C10orf71: variants seen among roughly 807,000 people sequenced by gnomAD.
The protein encoded by C10orf71 is cardiac-enriched FHL2-interacting protein.
For synonymous variants in C10orf71, 758 were observed against 726.3 expected, an observed-to-expected ratio of 1.04 and a Z score of -0.70; for missense variants, 1,869 against 1,804.5, an observed-to-expected ratio of 1.04 and a Z score of -0.65.
intron 2 of C10orf71, among the ~76,000 whole-genome samples, chr10:49,321,014 C>T (rs1849085127): frequency 6.6e-6 from 1 of 152,044 alleles, no homozygotes; most frequent in South Asian, 2.1e-4. Flanking sequence ...TAAAACTATC[C>T]ATCACCTCCA....
chr10:49,324,236 A>T lies in C10orf71; in HGVS notation c.1691A>T (p.Asp564Val). The change falls in exon 3 of 3, where the codon GAC becomes GTC. Residue 564 changes from aspartate to valine, a missense_variant. By Grantham distance (152) the Asp-to-Val change is radical (BLOSUM62 -3). Transcript: ENST00000374144. ...CTTTCTAAGGAGAGACCCGCTGATG[A>T]CCCCACTGCATCACACATCAATCCC... is the stretch of plus-strand genomic sequence containing the variant. The part of the protein sequence containing the change: ...NELSKERPAD[D>V]PTASHINPQK... The T allele has an allele frequency of 6.2e-7, 1 of 1,613,750 alleles. No homozygotes were observed. The highest frequency in any genetic ancestry group is 8.5e-7 in the Non-Finnish European group (1 of 1,179,842).
At chr10:49,299,923 T>C (rs1028445028) in intron 1 of C10orf71, among the ~76,000 whole-genome samples, 3 of 152,210 alleles carry the variant, frequency 2.0e-5, no homozygotes, top group African/African-American at 7.2e-5. Context: ...TCTGCGAGCA[T>C]GTGTGTCCCC....
At chr10:49,305,585 G>C (rs4838494) in intron 1 of C10orf71, among the ~76,000 whole-genome samples, 1 of 152,040 alleles carries the variant, frequency 6.6e-6, no homozygotes, top group Non-Finnish European at 1.5e-5. Flanking sequence ...CAAATAAAAG[G>C]CCCCATGCTA....
intron 1 of C10orf71, among the ~76,000 whole-genome samples, chr10:49,310,213 CA>C (rs1430660350): frequency 5.3e-5 from 8 of 152,240 alleles, no homozygotes; most frequent in Non-Finnish European, 8.8e-5. Flanking sequence ...CTCATGTTTA[CA>C]GGCTGAATCA....
chr10:49,299,399 G>A (rs76092060), intron 1 of C10orf71, 166 bp downstream of exon 1: 4,645 of 152,610 alleles, frequency 0.03, 104 homozygotes, highest in South Asian at 0.087. Context: ...GGCAGAGCCG[G>A]GTTTCTCTCC....
At position 49,327,167 on chromosome 10, in the gene C10orf71, C is replaced by T. The variant is rs908944483; in HGVS notation, c.*314C>T. The T allele has an allele frequency of 8.2e-5, 61 of 743,138 alleles. No homozygotes were observed. Among genetic ancestry groups the T allele is most frequent in the Non-Finnish European group, 1.1e-4 (55 of 506,788 alleles). 46.0% of individuals were successfully genotyped at this position (743,138 alleles called of 1,614,324 possible). A position where few individuals can be genotyped will look rare whatever the true frequency, so the allele number is the denominator to read the frequency against. The stretch of plus-strand genomic sequence containing the variant: ...CTCCCTTCCTCCCTCTCCTGGCCCA[C>T]CCTGCTCTTCCCTCGCCCTGCAAAT... On this transcript the variant is annotated 3_prime_UTR_variant, in exon 3 of 3. Transcript: ENST00000374144.
chr10:49,312,594 T>G (rs7099773), intron 1 of C10orf71, among the ~76,000 whole-genome samples: 2,109 of 152,296 alleles, frequency 0.014, 51 homozygotes, highest in African/African-American at 0.048. Context: ...ACTCCCCAAC[T>G]TAGAGCACTG....
chr10:49,326,652 G>A lies in C10orf71; in HGVS notation c.4107G>A (p.Ala1369=). ...TFLRQGPRAS[A]ARARTQSVHE... is the part of the protein sequence containing the mutation. ...TCAGGCAGGGCCCTCGTGCCTCCGC[G>A]GCCCGCGCCAGGACCCAGAGTGTCC... The change falls in exon 3 of 3, where the codon GCG becomes GCA. Residue 1369 remains alanine (A), a synonymous_variant. Coordinates refer to ENST00000374144, the MANE Select transcript of C10orf71 (RefSeq NM_001135196.2). The A allele has an allele frequency of 1.3e-6, 2 of 1,550,228 alleles. No individual in the cohort carries two copies. Among genetic ancestry groups the A allele is most frequent in the Non-Finnish European group, 8.7e-7 (1 of 1,146,898 alleles).
At chr10:49,310,065 G>C (rs532770721) in intron 1 of C10orf71, among the ~76,000 whole-genome samples, 1 of 152,210 alleles carries the variant, frequency 6.6e-6, no homozygotes, top group Non-Finnish European at 1.5e-5. Context: ...GGAAAGATGG[G>C]CAGGGATGAG....
chr10:49,319,953 C>G (rs1383146842), intron 2 of C10orf71, among the ~76,000 whole-genome samples: 1 of 151,642 alleles, frequency 6.6e-6, no homozygotes, highest in Non-Finnish European at 1.5e-5. Flanking sequence ...TTCATAAAGA[C>G]AAAAAGTCAA....
chr10:49,322,417 C>A lies in C10orf71; in HGVS notation c.-129C>A. Reference sequence around the variant, plus strand: ...TCTTTTGCAGAGAAAAAAAAAAATCCCCACTTTGCAATTGCATCTGGTCAA... The same window carrying A: ...TCTTTTGCAGAGAAAAAAAAAAATCACCACTTTGCAATTGCATCTGGTCAA... On this transcript the variant is annotated 5_prime_UTR_variant, in exon 3 of 3. Transcript: ENST00000374144. 1 of 1,171,112 alleles carries A rather than the reference C, an allele frequency of 8.5e-7. No homozygotes were observed. The highest frequency in any genetic ancestry group is 1.2e-6 in the Non-Finnish European group (1 of 863,456). 72.5% of individuals were successfully genotyped at this position (1,171,112 alleles called of 1,614,324 possible). A position where few individuals can be genotyped will look rare whatever the true frequency, so the allele number is the denominator to read the frequency against.
rs1432169438 is a variant in C10orf71, at chr10:49,326,675, T to A, written c.4130T>A (p.Val1377Asp). The change falls in exon 3 of 3, where the codon GTC becomes GAC. Residue 1377 changes from valine to aspartate, a missense_variant. By Grantham distance (152) the Val-to-Asp change is radical. Coordinates refer to ENST00000374144, the MANE Select transcript of C10orf71 (RefSeq NM_001135196.2). The part of the protein sequence containing the change: ...ASAARARTQS[V>D]HESGLQLDPG... ...GCGGCCCGCGCCAGGACCCAGAGTG[T>A]CCACGAGTCTGGACTACAGCTGGAC... is the stretch of plus-strand genomic sequence containing the variant. 6.4e-7 allele frequency: 1 copy of A among 1,550,648 alleles called. No individual in the cohort carries two copies. The highest frequency in any genetic ancestry group is 1.4e-5 in the African/African-American group (1 of 72,992).
intron 1 of C10orf71, among the ~76,000 whole-genome samples, chr10:49,302,105 C>A (rs1439063374): frequency 2.0e-5 from 3 of 152,178 alleles, no homozygotes; most frequent in African/African-American, 7.2e-5. Flanking sequence ...TTGAGGAGGG[C>A]AGGGGGAAGG....
chr10:49,319,206 G>A (rs1217283537), intron 2 of C10orf71, among the ~76,000 whole-genome samples: 1 of 152,138 alleles, frequency 6.6e-6, no homozygotes, highest in African/African-American at 2.4e-5. Context: ...CCCCAGGCCA[G>A]GCAATGTTCT....
rs1849257685 is a variant in C10orf71 at position 49,326,623 on chromosome 10, T to G, written c.4078T>G (p.Phe1360Val). The G allele has an allele frequency of 6.5e-7, 1 of 1,550,116 alleles. No individual in the cohort carries two copies. Among genetic ancestry groups the G allele is most frequent in the African/African-American group, 1.4e-5 (1 of 73,038 alleles). ...RCSSQLSAPT[F>V]LRQGPRASAA... ...CTCCTCTCAGCTCTCCGCGCCCACC[T>G]TCCTCAGGCAGGGCCCTCGTGCCTC... The change falls in exon 3 of 3, where the codon TTC becomes GTC. Residue 1360 changes from phenylalanine to valine, a missense_variant. Transcript: ENST00000374144.
chr10:49,307,701 A>T (rs1333519026), intron 1 of C10orf71, among the ~76,000 whole-genome samples: 2 of 152,198 alleles, frequency 1.3e-5, no homozygotes, highest in Non-Finnish European at 2.9e-5. Context: ...AGTGCTACAA[A>T]TCCAGTGCTT....
At chr10:49,298,432 C>T (rs1293905590), upstream of C10orf71, among the ~76,000 whole-genome samples, 1 of 152,214 alleles carries the variant, frequency 6.6e-6, no homozygotes, top group Non-Finnish European at 1.5e-5. Flanking sequence ...ACTCTGGGAG[C>T]TGGCATGGCA....
At chr10:49,307,321 G>A (rs1848832035) in intron 1 of C10orf71, among the ~76,000 whole-genome samples, 1 of 152,234 alleles carries the variant, frequency 6.6e-6, no homozygotes, top group African/African-American at 2.4e-5. Context: ...CTTGAGGTCT[G>A]CAGAGAACAC....
At chr10:49,303,804 T>C (rs982241447) in intron 1 of C10orf71, among the ~76,000 whole-genome samples, 6 of 152,072 alleles carry the variant, frequency 3.9e-5, no homozygotes, top group East Asian at 1.9e-4. Flanking sequence ...CATGAAGCAG[T>C]TGGGTGCTGG....
Sources: gnomAD v4.1 joint callset for allele counts (sites outside exome capture counted in the v4.1 genomes callset) on GRCh38, gnomAD v4.1.1 for gene constraint, MANE v1.5 for transcripts, NCBI Gene and HGNC (gene_info 2026-07-23, HGNC 2026-07-21) for gene names.